The following SPATA3 variants were observed in gnomAD, a reference collection of about 807,000 sequenced individuals.
SPATA3 encodes spermatogenesis-associated protein 3.
In SPATA3, 6 loss-of-function variants were observed where a neutral mutation model predicts 5.7. The observed-to-expected ratio is 1.06, with a 90% CI of 0.58 to 2.09. SPATA3 has a LOEUF of 2.09. SPATA3 is among the 30% of genes most tolerant of loss of function. The probability of loss-of-function intolerance (pLI) is 0.00; values close to 1 mark genes in which losing one functional copy is unlikely to be tolerated. For missense variants in SPATA3, 155 were observed against 130.4 expected (o/e 1.19, Z -0.92); for synonymous variants, 44 against 48.4 (o/e 0.91, Z 0.37).
intron 5 of SPATA3, among the ~76,000 whole-genome samples, chr2:231,013,650 C>G (rs530613714): frequency 1.3e-5 from 2 of 152,146 alleles, no homozygotes; most frequent in African/African-American, 2.4e-5. Context: ...GCCACCATGC[C>G]TGGCTAATTT....
intron 6 of SPATA3, among the ~76,000 whole-genome samples, chr2:231,018,404 C>T (rs1692985291): frequency 6.6e-6 from 1 of 152,032 alleles, no homozygotes; most frequent in Non-Finnish European, 1.5e-5. Context: ...TTCCCATAAC[C>T]TATTGCCACC....
intron 6 of SPATA3, among the ~76,000 whole-genome samples, chr2:231,018,194 G>A (rs1461351508): frequency 1.3e-5 from 2 of 151,924 alleles, no homozygotes; most frequent in South Asian, 2.1e-4. Context: ...CAAAGTGCTG[G>A]GACAACAGGC....
At chr2:231,002,924 T>C, downstream of SPATA3, 1 of 504,928 alleles carries the variant, frequency 2.0e-6, no homozygotes, top group Non-Finnish European at 3.4e-6. Flanking sequence ...AGTGACTCCC[T>C]CCTGGCCTCA....
intron 1 of SPATA3, chr2:230,996,481 G>A (rs1692126529): frequency 6.4e-7 from 1 of 1,552,262 alleles, no homozygotes; most frequent in Admixed American, 2.0e-5. Context: ...TCCTCTTGCT[G>A]CCTTTTATCT....
At position 230,996,376 on chromosome 2, in the gene SPATA3, A is replaced by G; in HGVS notation, c.791-3990A>G. On this transcript the variant is annotated intron_variant, in intron 1 of 2. Transcript: ENST00000645363. ...CCTAGTCCTGAATCCACACCACAGC[A>G]GCCTAGCCCTGAATCCACACCACAG... 2.6e-6 allele frequency: 4 copies of G among 1,545,602 alleles called. No individual in the cohort carries two copies. The South Asian group carries it at 3.6e-5, about 14-fold the overall frequency.
chr2:231,011,936 C>G (rs892151214), downstream of SPATA3, among the ~76,000 whole-genome samples: 4 of 152,224 alleles, frequency 2.6e-5, no homozygotes, highest in Admixed American at 1.3e-4. Flanking sequence ...ACTTATTACA[C>G]CTCAGCCAGT....
At chr2:231,013,612 T>C (rs1692850586) in intron 5 of SPATA3, among the ~76,000 whole-genome samples, 1 of 152,074 alleles carries the variant, frequency 6.6e-6, no homozygotes, top group Admixed American at 6.5e-5. Flanking sequence ...TGCCTCAGCC[T>C]CCCAAGTAGC....
intron 1 of SPATA3, among the ~76,000 whole-genome samples, chr2:230,997,743 T>A (rs939192007): frequency 6.6e-6 from 1 of 152,198 alleles, no homozygotes; most frequent in African/African-American, 2.4e-5. Flanking sequence ...AAGCATTGGA[T>A]TGTGTAGAGG....
chr2:231,006,814 T>C (rs1692643556), downstream of SPATA3: 1 of 152,254 alleles, frequency 6.6e-6, no homozygotes, highest in African/African-American at 2.4e-5. Context: ...AACCTCTCCC[T>C]TGGCATCTTC....
intron 1 of SPATA3, chr2:230,996,193 C>T (rs1692110139): frequency 1.3e-6 from 2 of 1,521,342 alleles, no homozygotes; most frequent in African/African-American, 1.4e-5. Context: ...GGAGATTACG[C>T]AGCTCCATGT....
chr2:231,013,593 C>A (rs975251125), intron 5 of SPATA3, among the ~76,000 whole-genome samples: 5 of 151,928 alleles, frequency 3.3e-5, no homozygotes, highest in African/African-American at 1.2e-4. Flanking sequence ...CAGGTTCAAG[C>A]GATTCTCCTG....
In SPATA3 at chr2:230,997,156, A is replaced by G. The variant is rs1035955754; in HGVS notation, c.791-3210A>G. On this transcript the variant is annotated intron_variant, in intron 1 of 2. Coordinates refer to ENST00000645363, the Ensembl canonical transcript of SPATA3. ...CACCCAAATCTCTTCTTGAATTCCC[A>G]GGTGTTGTAGGAAGGACCCAGTGGG... Among the ~76,000 whole-genome samples, 3 of 152,156 alleles carry G rather than the reference A, an allele frequency of 2.0e-5. No individual in the cohort carries two copies. The East Asian group carries it at 5.8e-4, about 29-fold the overall frequency.
downstream of SPATA3, chr2:231,002,851 C>T (rs1008528376): frequency 2.2e-5 from 25 of 1,112,180 alleles, no homozygotes; most frequent in Middle Eastern, 2.2e-4. Context: ...TCTGTCCCTT[C>T]GAATGGAGGT....
chr2:231,002,700 C>G, exon 3 of SPATA3: 1 of 1,518,988 alleles, frequency 6.6e-7, no homozygotes, highest in Non-Finnish European at 8.8e-7. Flanking sequence ...TTCAAGAAAA[C>G]CCTCCAGTCA....
At position 231,000,555 on chromosome 2, in the gene SPATA3, C is replaced by T. The variant is rs1260510268; in HGVS notation, c.962+18C>T. ...TTCTACAGGTTCCAAGCGCGAGGGG[C>T]TGGAGCCTCGGGGCACACAGTCCCC... On this transcript the variant is annotated intron_variant, in intron 2 of 2. Coordinates refer to ENST00000645363, the Ensembl canonical transcript of SPATA3. The T allele has an allele frequency of 2.7e-6, 4 of 1,484,850 alleles. No individual in the cohort carries two copies. The highest frequency in any genetic ancestry group is 3.6e-6 in the Non-Finnish European group (4 of 1,108,440). The allele number at this position is 1,484,850 out of a possible 1,614,324, so 92.0% of individuals were successfully genotyped here.
chr2:231,000,368 C>G (rs1246509439), exon 2 of SPATA3: 1 of 1,498,024 alleles, frequency 6.7e-7, no homozygotes, highest in East Asian at 2.6e-5. Context: ...CCCCACAGGG[C>G]CTCTGATTCG....
At chr2:231,005,283 T>A (rs1489800732), downstream of SPATA3, among the ~76,000 whole-genome samples, 2 of 51,194 alleles carry the variant, frequency 3.9e-5, no homozygotes, top group Non-Finnish European at 8.0e-5. Flanking sequence ...ACCATCACCA[T>A]CATCATCACC....
chr2:231,019,271 G>A (rs943396619), intron 6 of SPATA3, among the ~76,000 whole-genome samples: 5 of 145,958 alleles, frequency 3.4e-5, no homozygotes, highest in East Asian at 4.1e-4. Context: ...GCCAGGCCTC[G>A]ATTTTTCTTT....
chr2:231,013,568 G>T (rs751859394), intron 5 of SPATA3, among the ~76,000 whole-genome samples: 1 of 151,290 alleles, frequency 6.6e-6, no homozygotes, highest in Non-Finnish European at 1.5e-5. Context: ...TCGGCTCACC[G>T]CAATCTCCAC....
Sources: allele counts gnomAD v4.1 joint callset (sites outside exome capture counted in the v4.1 genomes callset), GRCh38; gene constraint gnomAD v4.1.1; transcripts MANE v1.5; gene names NCBI Gene and HGNC (gene_info 2026-07-23, HGNC 2026-07-21).